THSD4: variants seen among roughly 807,000 people sequenced by gnomAD.
The protein encoded by THSD4 is thrombospondin type-1 domain-containing protein 4.
THSD4 carries 69 observed loss-of-function variants against 119.0 expected under a neutral mutation model. That is an observed-to-expected ratio of 0.58 (90% CI 0.48 to 0.71). THSD4 has a LOEUF of 0.71. Ranked by LOEUF, THSD4 falls within the 30% of genes least tolerant of loss-of-function variation. THSD4 has a pLI of 0.00. For missense variants in THSD4, 1,393 were observed against 1,391.1 expected (o/e 1.00, Z -0.02); for synonymous variants, 524 against 540.4 (o/e 0.97, Z 0.42).
At chr15:71,335,610 G>A (rs543465804) in intron 6 of THSD4, among the ~76,000 whole-genome samples, 4 of 152,224 alleles carry the variant, frequency 2.6e-5, no homozygotes, top group African/African-American at 9.6e-5. Flanking sequence ...GGAGGTATGT[G>A]TGCCATGCTT....
At chr15:71,257,610 TAGTG>T (rs1019147845) in intron 6 of THSD4, among the ~76,000 whole-genome samples, 3 of 152,060 alleles carry the variant, frequency 2.0e-5, no homozygotes, top group Non-Finnish European at 4.4e-5. Context: ...GAGGGATTGA[TAGTG>T]AGTTGTGATG....
At chr15:71,768,276 C>A (rs2723344) in intron 16 of THSD4, among the ~76,000 whole-genome samples, 14,304 of 150,076 alleles carry the variant, frequency 0.095, 1,916 homozygotes, top group African/African-American at 0.3. Flanking sequence ...ACAAAAAAAA[C>A]CAAAAAAAAA....
intron 7 of THSD4, among the ~76,000 whole-genome samples, chr15:71,517,214 C>T (rs534918506): frequency 4.1e-4 from 63 of 152,320 alleles, no homozygotes; most frequent in African/African-American, 1.4e-3. Context: ...CAAGTCAAAG[C>T]ATCTGATTTG....
In THSD4 at chr15:71,780,049, T is replaced by C. The variant is rs1431659736; in HGVS notation, c.*2675T>C. 6.6e-6 allele frequency: 1 copy of C among 152,322 alleles called. No homozygotes were observed. Among genetic ancestry groups the C allele is most frequent in the Non-Finnish European group, 1.5e-5 (1 of 68,114 alleles). The allele number at this position is 152,322 out of a possible 1,614,324, so 9.4% of individuals were successfully genotyped here. On this transcript the variant is annotated 3_prime_UTR_variant, in exon 18 of 18. Coordinates refer to ENST00000261862, the MANE Select transcript of THSD4 (RefSeq NM_024817.3). ...GTGCATACAATCAGGGCCTTGGGTA[T>C]TTCCAGTGATAACTTTCCTTGGAGA...
chr15:71,368,452 A>G (rs574963769), intron 6 of THSD4, among the ~76,000 whole-genome samples: 3 of 152,132 alleles, frequency 2.0e-5, no homozygotes, highest in African/African-American at 4.8e-5. Context: ...ATCTTGAATT[A>G]ATTTTTGTAT....
intron 7 of THSD4, among the ~76,000 whole-genome samples, chr15:71,624,070 G>T (rs1008441321): frequency 6.6e-6 from 1 of 152,206 alleles, no homozygotes; most frequent in African/African-American, 2.4e-5. Context: ...GAGAGTGATC[G>T]AGAACAACAC....
intron 4 of THSD4, among the ~76,000 whole-genome samples, chr15:71,231,998 T>C (rs2044065073): frequency 6.6e-6 from 1 of 152,098 alleles, no homozygotes; most frequent in South Asian, 2.1e-4. Flanking sequence ...CAGGGTGGGT[T>C]TTAGGAAAAC....
At chr15:71,311,930 CT>C (rs1279728768) in intron 6 of THSD4, among the ~76,000 whole-genome samples, 1 of 152,156 alleles carries the variant, frequency 6.6e-6, no homozygotes, top group East Asian at 1.9e-4. Context: ...ACCCTCATAC[CT>C]GGCCTCTGGC....
intron 4 of THSD4, among the ~76,000 whole-genome samples, chr15:71,238,226 TA>T (rs1331732316): frequency 2.0e-5 from 3 of 152,156 alleles, no homozygotes; most frequent in Non-Finnish European, 4.4e-5. Context: ...CTTTCAGATT[TA>T]AAAAATGCAT....
intron 6 of THSD4, among the ~76,000 whole-genome samples, chr15:71,321,367 C>T (rs971670312): frequency 1.3e-5 from 2 of 152,132 alleles, no homozygotes; most frequent in East Asian, 1.9e-4. Context: ...AAAACCCTGT[C>T]TCTACTAAAA....
At position 71,540,109 on chromosome 15, in the gene THSD4, T is replaced by C. The variant is rs146801262; in HGVS notation, c.1153-120421T>C. On this transcript the variant is annotated intron_variant, in intron 7 of 17. Coordinates refer to ENST00000261862, the MANE Select transcript of THSD4 (RefSeq NM_024817.3). Reference sequence around the variant, plus strand: ...GCTTCATTTCTCTTCTTAACTATTATTACAACCATTATTTCATTTTATTTA... The same window carrying C: ...GCTTCATTTCTCTTCTTAACTATTACTACAACCATTATTTCATTTTATTTA... Among the ~76,000 whole-genome samples the C allele has an allele frequency of 3.3e-4, 50 of 151,468 alleles. No homozygotes were observed. The East Asian group carries it at 8.6e-3, about 26-fold the overall frequency.
At chr15:71,455,694 C>T (rs144556527) in intron 7 of THSD4, among the ~76,000 whole-genome samples, 3 of 152,168 alleles carry the variant, frequency 2.0e-5, no homozygotes, top group African/African-American at 7.2e-5. Context: ...CAGATGAACC[C>T]CAATTTGGCT....
At chr15:71,589,181 G>A (rs2049748374) in intron 7 of THSD4, among the ~76,000 whole-genome samples, 1 of 152,054 alleles carries the variant, frequency 6.6e-6, no homozygotes, top group African/African-American at 2.4e-5. Flanking sequence ...TGAATTTAGT[G>A]GATTTTGACC....
chr15:71,426,135 G>A (rs1017088419), intron 7 of THSD4, among the ~76,000 whole-genome samples: 17 of 152,188 alleles, frequency 1.1e-4, no homozygotes, highest in African/African-American at 3.9e-4. Flanking sequence ...ACTGTAGGGC[G>A]TTTCCTGCGG....
At chr15:71,244,672 C>A (rs567677128) in intron 5 of THSD4, among the ~76,000 whole-genome samples, 1 of 152,234 alleles carries the variant, frequency 6.6e-6, no homozygotes, top group Admixed American at 6.5e-5. Context: ...GTCGTGGTAT[C>A]TACCTCCTAG....
chr15:71,535,443 C>T (rs751072747), intron 7 of THSD4, among the ~76,000 whole-genome samples: 16 of 152,118 alleles, frequency 1.1e-4, no homozygotes, highest in Non-Finnish European at 1.8e-4. Context: ...AATGCTGCTA[C>T]GAACATGTGG....
intron 11 of THSD4, among the ~76,000 whole-genome samples, chr15:71,740,748 GTTAC>G (rs2053218814): frequency 6.6e-6 from 1 of 152,192 alleles, no homozygotes; most frequent in African/African-American, 2.4e-5. Context: ...AAACATAACT[GTTAC>G]TACCTCACTA....
intron 7 of THSD4, among the ~76,000 whole-genome samples, chr15:71,538,528 C>T (rs1187217348): frequency 6.6e-6 from 1 of 152,178 alleles, no homozygotes; most frequent in African/African-American, 2.4e-5. Context: ...AATAAGATTT[C>T]ATAAAATAAT....
At chr15:71,411,425 TTGAAA>T (rs2046685470) in intron 6 of THSD4, among the ~76,000 whole-genome samples, 1 of 152,130 alleles carries the variant, frequency 6.6e-6, no homozygotes, top group Admixed American at 6.5e-5. Flanking sequence ...GAGTGAGGAA[TTGAAA>T]TGACAGCTCA....
Sources: allele counts gnomAD v4.1 joint callset (sites outside exome capture counted in the v4.1 genomes callset), GRCh38; gene constraint gnomAD v4.1.1; transcripts MANE v1.5; gene names NCBI Gene and HGNC (gene_info 2026-07-23, HGNC 2026-07-21).